The following MIPEP variants were observed in gnomAD, a reference collection of about 807,000 sequenced individuals.
The protein encoded by MIPEP is mitochondrial intermediate peptidase.
MIPEP carries 79 observed loss-of-function variants against 90.3 expected under a neutral mutation model. The observed-to-expected ratio is 0.87, with a 90% CI of 0.73 to 1.05. The LOEUF (loss-of-function observed/expected upper bound fraction) is 1.05, where lower values mean the gene tolerates loss of function less well. MIPEP is among the 50% of genes least tolerant of loss of function. MIPEP has a pLI of 0.00. For synonymous variants in MIPEP, 334 were observed against 315.8 expected, an observed-to-expected ratio of 1.06 and a Z score of -0.61; for missense variants, 940 against 905.6, an observed-to-expected ratio of 1.04 and a Z score of -0.49.
rs1389035870 is a variant in MIPEP, at chr13:23,889,144, G to C, written c.177C>G (p.Phe59Leu). Residue 59 changes from phenylalanine to leucine, a missense_variant, in exon 1 of 19, where the codon TTC becomes TTG. Coordinates refer to ENST00000382172, the MANE Select transcript of MIPEP (RefSeq NM_005932.4). ...CTGCGCCGCTCACCCGGCGCTCGCC[G>C]AACAGGTCCAAGCGGCTGCCCTGGG... ...VKPQGSRLDL[F>L]GERRGLFGVP... 4.9e-6 allele frequency: 7 copies of C among 1,439,042 alleles called. No homozygotes were observed. The highest frequency in any genetic ancestry group is 5.9e-5 in the Admixed American group (2 of 33,764). 89.1% of individuals were successfully genotyped at this position (1,439,042 alleles called of 1,614,324 possible).
At chr13:23,849,548 T>C (rs1399071844) in intron 10 of MIPEP, among the ~76,000 whole-genome samples, 1 of 152,228 alleles carries the variant, frequency 6.6e-6, no homozygotes. Flanking sequence ...AACACTCTGC[T>C]ATTCTGGTTT....
chr13:23,889,261 G>A lies in MIPEP; in HGVS notation c.60C>T (p.Arg20=). The stretch of plus-strand genomic sequence containing the variant: ...CTTCGAGGCTTCCCCGGCCCGCCCG[G>A]CGGGGCGGCAGAGCTGCTGCTCTGG... ...LGARAAALPP[R]RAGRGSLEAG... The change falls in exon 1 of 19, where the codon CGC becomes CGT. Residue 20 remains arginine, a synonymous_variant. Transcript: ENST00000382172. 1 of 1,386,320 alleles carries A rather than the reference G, an allele frequency of 7.2e-7. No homozygotes were observed. Among genetic ancestry groups the A allele is most frequent in the Non-Finnish European group, 9.3e-7 (1 of 1,069,642 alleles). The allele number at this position is 1,386,320 out of a possible 1,614,324, so 85.9% of individuals were successfully genotyped here.
At chr13:23,805,512 C>T (rs1953098060) in intron 16 of MIPEP, among the ~76,000 whole-genome samples, 1 of 152,176 alleles carries the variant, frequency 6.6e-6, no homozygotes, top group South Asian at 2.1e-4. Flanking sequence ...GCTCTCTCTC[C>T]TGACATGGTA....
At chr13:23,785,603 A>G (rs1274548977) in intron 16 of MIPEP, among the ~76,000 whole-genome samples, 1 of 149,414 alleles carries the variant, frequency 6.7e-6, no homozygotes, top group Non-Finnish European at 1.5e-5. Flanking sequence ...GTGCACATGT[A>G]CCCTAGAACT....
chr13:23,745,826 AG>A (rs1952376693), intron 18 of MIPEP, among the ~76,000 whole-genome samples: 1 of 151,704 alleles, frequency 6.6e-6, no homozygotes, highest in African/African-American at 2.4e-5. Context: ...TACAGTCAGG[AG>A]GCTGAGGCAG....
At chr13:23,881,931 G>A (rs1871287596) in intron 2 of MIPEP, 144 bp from the exon 3 acceptor site, 3 of 621,168 alleles carry the variant, frequency 4.8e-6, no homozygotes, top group Non-Finnish European at 8.6e-6. Flanking sequence ...TCCTAAGCGA[G>A]TAAAGCAAAG....
chr13:23,847,354 A>G (rs1869589982), intron 10 of MIPEP, among the ~76,000 whole-genome samples: 1 of 152,132 alleles, frequency 6.6e-6, no homozygotes, highest in Admixed American at 6.6e-5. Flanking sequence ...GTGGTGATAA[A>G]AAAGGAGAGA....
intron 16 of MIPEP, among the ~76,000 whole-genome samples, chr13:23,805,010 G>C (rs969996598): frequency 5.9e-5 from 9 of 152,174 alleles, no homozygotes; most frequent in African/African-American, 2.2e-4. Flanking sequence ...GAGCTGAGAG[G>C]CAGAAAGAGA....
At chr13:23,788,515 C>T (rs1220395275) in intron 16 of MIPEP, among the ~76,000 whole-genome samples, 2 of 152,206 alleles carry the variant, frequency 1.3e-5, no homozygotes, top group Non-Finnish European at 2.9e-5. Flanking sequence ...TCGAAGGCCA[C>T]AGCCTAGGAA....
At chr13:23,875,460 T>C (rs1871030915) in intron 4 of MIPEP, among the ~76,000 whole-genome samples, 1 of 152,040 alleles carries the variant, frequency 6.6e-6, no homozygotes, top group African/African-American at 2.4e-5. Flanking sequence ...CTGAGTTTCT[T>C]GGCTAATGAG....
chr13:23,749,610 A>G (rs9553048), intron 18 of MIPEP, among the ~76,000 whole-genome samples: 24,702 of 152,102 alleles, frequency 0.16, 2,162 homozygotes, highest in South Asian at 0.25. Flanking sequence ...TGAATCCGAC[A>G]GGCTTGGGAG....
intron 17 of MIPEP, among the ~76,000 whole-genome samples, chr13:23,757,255 C>T (rs548163466): frequency 6.6e-6 from 1 of 152,024 alleles, no homozygotes; most frequent in South Asian, 2.1e-4. Context: ...GCGCAGTTCA[C>T]AGTAGGGTTC....
At chr13:23,824,551 C>G (rs1452886997) in intron 14 of MIPEP, among the ~76,000 whole-genome samples, 1 of 152,218 alleles carries the variant, frequency 6.6e-6, no homozygotes, top group Non-Finnish European at 1.5e-5. Flanking sequence ...AGGCACCAGG[C>G]TGCCAAGCAG....
rs1357713949 is a variant in MIPEP at position 23,858,849 on chromosome 13, G to A, written c.1106+11C>T. On this transcript the variant is annotated intron_variant, in intron 10 of 18. Transcript: ENST00000382172. ...TCCTTTTCCTGTACGGGTATTTCTT[G>A]AAAAACTTACCTTTCTGCACGAATC... 1.2e-6 allele frequency: 2 copies of A among 1,612,528 alleles called. No homozygotes were observed. The highest frequency in any genetic ancestry group is 1.3e-5 in the African/African-American group (1 of 74,836).
At chr13:23,849,632 G>A (rs1869716906) in intron 10 of MIPEP, among the ~76,000 whole-genome samples, 1 of 152,140 alleles carries the variant, frequency 6.6e-6, no homozygotes, top group East Asian at 1.9e-4. Context: ...TGATACAATG[G>A]TATAATTAGG....
At position 23,747,004 on chromosome 13, in the gene MIPEP, G is replaced by A. The variant is rs375768165; in HGVS notation, c.2044+9541C>T. Among the ~76,000 whole-genome samples, 9 of 152,310 alleles carry A rather than the reference G, an allele frequency of 5.9e-5. 1 individual carries two copies. The highest frequency in any genetic ancestry group is 3.9e-4 in the Admixed American group (6 of 15,306). On this transcript the variant is annotated intron_variant, in intron 18 of 18. Transcript: ENST00000382172. ...CAAAAGTAACGGTGACAAAACAGAA[G>A]TTGAAGAAGACAGTAATCAAGAGTC...
intron 18 of MIPEP, among the ~76,000 whole-genome samples, chr13:23,754,920 A>C (rs1229987807): frequency 6.6e-6 from 1 of 152,220 alleles, no homozygotes; most frequent in African/African-American, 2.4e-5. Flanking sequence ...GTCTGACAGT[A>C]CAGGCAGCTG....
intron 16 of MIPEP, among the ~76,000 whole-genome samples, chr13:23,783,451 C>A (rs1016104114): frequency 8.5e-5 from 13 of 152,234 alleles, no homozygotes; most frequent in African/African-American, 2.9e-4. Context: ...GGACATATCT[C>A]AAAATAATAA....
chr13:23,819,154 G>T (rs571229159), intron 14 of MIPEP, among the ~76,000 whole-genome samples: 12 of 152,106 alleles, frequency 7.9e-5, no homozygotes, highest in Non-Finnish European at 1.6e-4. Context: ...AAAATTATGG[G>T]AGGCCATTGT....
Sources: gnomAD v4.1 joint callset for allele counts (sites outside exome capture counted in the v4.1 genomes callset) on GRCh38, gnomAD v4.1.1 for gene constraint, MANE v1.5 for transcripts, NCBI Gene and HGNC (gene_info 2026-07-23, HGNC 2026-07-21) for gene names.